NCOA2: variants seen among roughly 807,000 people sequenced by gnomAD.
NCOA2 encodes the protein class E basic helix-loop-helix protein 75.
In NCOA2, 21 loss-of-function variants were observed where a neutral mutation model predicts 145.1. The ratio of observed to expected loss-of-function variants is 0.14; its 90% CI spans 0.10 to 0.21. NCOA2 has a LOEUF of 0.21. Ranked by LOEUF, NCOA2 falls within the 10% of genes least tolerant of loss-of-function variation. The probability of loss-of-function intolerance (pLI) is 1.00; values close to 1 mark genes in which losing one functional copy is unlikely to be tolerated. For missense variants in NCOA2, 1,472 were observed against 1,837.6 expected (o/e 0.80, Z 3.64); for synonymous variants, 619 against 637.5 (o/e 0.97, Z 0.44).
chr8:70,404,465 C>T (rs1364163611), upstream of NCOA2, among the ~76,000 whole-genome samples: 2 of 152,128 alleles, frequency 1.3e-5, no homozygotes, highest in Non-Finnish European at 2.9e-5. Context: ...CTCGGGCGCA[C>T]CTCACCCTAC....
intron 15 of NCOA2, among the ~76,000 whole-genome samples, chr8:70,135,220 C>A (rs559209045): frequency 1.3e-5 from 2 of 152,338 alleles, no homozygotes; most frequent in East Asian, 3.9e-4. Flanking sequence ...TGAGGGTCTA[C>A]TTTCCATTGG....
chr8:70,167,033 T>C (rs959168371), intron 6 of NCOA2, among the ~76,000 whole-genome samples: 4 of 152,236 alleles, frequency 2.6e-5, no homozygotes, highest in African/African-American at 7.2e-5. Context: ...AAACATTTTC[T>C]ACACTACTTC....
At chr8:70,182,540 G>A (rs570487686) in intron 4 of NCOA2, among the ~76,000 whole-genome samples, 1 of 152,178 alleles carries the variant, frequency 6.6e-6, no homozygotes, top group African/African-American at 2.4e-5. Context: ...GTATTAGACA[G>A]AATATTTAGG....
chr8:70,211,886 G>A (rs1819066030), intron 4 of NCOA2, among the ~76,000 whole-genome samples: 2 of 151,992 alleles, frequency 1.3e-5, no homozygotes, highest in Admixed American at 1.3e-4. Flanking sequence ...AGAATAAGAC[G>A]TGACAGGGTA....
intron 1 of NCOA2, among the ~76,000 whole-genome samples, chr8:70,366,986 G>T (rs566126074): frequency 6.6e-6 from 1 of 152,230 alleles, no homozygotes; most frequent in South Asian, 2.1e-4. Flanking sequence ...GGCCAATGAG[G>T]ATACTCTCAT....
At chr8:70,361,121 T>C (rs953981731) in intron 1 of NCOA2, among the ~76,000 whole-genome samples, 13 of 152,188 alleles carry the variant, frequency 8.5e-5, no homozygotes, top group African/African-American at 3.1e-4. Context: ...TTAAATAAAA[T>C]GACCCTGATC....
At chr8:70,301,726 T>C (rs950826430) in intron 1 of NCOA2, among the ~76,000 whole-genome samples, 2 of 148,704 alleles carry the variant, frequency 1.3e-5, no homozygotes, top group Admixed American at 6.7e-5. Context: ...AATTTTTTCA[T>C]GGACAACTGA....
At chr8:70,323,773 T>C (rs1379701378) in intron 1 of NCOA2, among the ~76,000 whole-genome samples, 1 of 152,134 alleles carries the variant, frequency 6.6e-6, no homozygotes, top group Non-Finnish European at 1.5e-5. Flanking sequence ...ATGTGCTAAT[T>C]TTCTGGTTTT....
Position 70,138,326 on chromosome 8 carries a change from G to C in NCOA2, c.3035C>G (p.Ser1012Cys). The C allele has an allele frequency of 1.2e-6, 2 of 1,607,396 alleles. No homozygotes were observed. Among genetic ancestry groups the C allele is most frequent in the Non-Finnish European group, 1.7e-6 (2 of 1,177,410 alleles). ...LQSQVMNIGP[S>C]ELEMNMGGPQ... ...TCCCCCCATGTTCATCTCTAATTCA[G>C]ATGGCCCTAGAAAGGGAGAAGAAAA... Residue 1012 changes from serine (S) to cysteine (C), a missense_variant, in exon 15 of 23, where the codon TCT becomes TGT. Coordinates refer to ENST00000452400, the MANE Select transcript of NCOA2 (RefSeq NM_006540.4).
At chr8:70,275,978 G>C (rs181072505) in intron 2 of NCOA2, among the ~76,000 whole-genome samples, 4 of 152,266 alleles carry the variant, frequency 2.6e-5, no homozygotes, top group Admixed American at 2.0e-4. Flanking sequence ...TAGCTGTAAG[G>C]TAAAATATTG....
chr8:70,181,787 C>T (rs1815511138), intron 4 of NCOA2, among the ~76,000 whole-genome samples: 1 of 152,204 alleles, frequency 6.6e-6, no homozygotes, highest in African/African-American at 2.4e-5. Flanking sequence ...AATGGGAAAA[C>T]ATCCACAATT....
At position 70,111,838 on chromosome 8, in the gene NCOA2, A is replaced by G. The variant is rs1369470524; in HGVS notation, c.*1794T>C. ...AGGAAAAACTTCTCTGTTCCTAAAA[A>G]GCCTGGCTAATGAGATATTATAAAA... On this transcript the variant is annotated 3_prime_UTR_variant, in exon 23 of 23. Coordinates refer to ENST00000452400, the MANE Select transcript of NCOA2 (RefSeq NM_006540.4). 3 of 220,686 alleles carry G rather than the reference A, an allele frequency of 1.4e-5. No homozygotes were observed. Among genetic ancestry groups the G allele is most frequent in the Non-Finnish European group, 2.7e-5 (3 of 110,336 alleles). The allele number at this position is 220,686 out of a possible 1,614,324, so 13.7% of individuals were successfully genotyped here. A position where few individuals can be genotyped will look rare whatever the true frequency, so the allele number is the denominator to read the frequency against.
chr8:70,134,833 C>T (rs999034621), intron 15 of NCOA2, among the ~76,000 whole-genome samples: 2 of 152,072 alleles, frequency 1.3e-5, no homozygotes, highest in African/African-American at 2.4e-5. Context: ...GCCTCCAGAC[C>T]GTCCCACTTT....
intron 4 of NCOA2, among the ~76,000 whole-genome samples, chr8:70,179,539 T>C (rs1815245033): frequency 6.6e-6 from 1 of 152,214 alleles, no homozygotes; most frequent in Non-Finnish European, 1.5e-5. Context: ...ATGCTATTTT[T>C]ATGTACCAGA....
intron 2 of NCOA2, among the ~76,000 whole-genome samples, chr8:70,257,878 AGC>A: frequency 4.0e-5 from 6 of 150,694 alleles, no homozygotes; most frequent in Non-Finnish European, 5.9e-5. Context: ...CCGCAACAAC[AGC>A]AAAAAAAAAA....
chr8:70,131,792 C>A (rs1225073030), intron 16 of NCOA2, 45 bp downstream of exon 16: 10 of 1,552,380 alleles, frequency 6.4e-6, no homozygotes, highest in Admixed American at 1.9e-5. Flanking sequence ...CACCTCTGCG[C>A]CCATGAGAGC....
chr8:70,289,209 GA>G, intron 2 of NCOA2, among the ~76,000 whole-genome samples: 1 of 152,122 alleles, frequency 6.6e-6, no homozygotes, highest in Non-Finnish European at 1.5e-5. Context: ...CACTTAAAAG[GA>G]AGAATTAGTA....
chr8:70,175,527 G>A (rs919975605), intron 4 of NCOA2, among the ~76,000 whole-genome samples: 4 of 152,226 alleles, frequency 2.6e-5, no homozygotes, highest in Admixed American at 6.5e-5. Context: ...GGATGGAAAC[G>A]TGCAAGGCAA....
the NCOA2 span, among the ~76,000 whole-genome samples, chr8:70,418,240 C>A: frequency 6.6e-6 from 1 of 152,194 alleles, no homozygotes; most frequent in Admixed American, 6.5e-5. Flanking sequence ...TGTCACCTAG[C>A]TGACATTATA....
Sources: allele counts gnomAD v4.1 joint callset (sites outside exome capture counted in the v4.1 genomes callset), GRCh38; gene constraint gnomAD v4.1.1; transcripts MANE v1.5; gene names NCBI Gene and HGNC (gene_info 2026-07-23, HGNC 2026-07-21).